Variants in RALGAPA2 observed in about 807,000 individuals in gnomAD.
The protein encoded by RALGAPA2 is Ral GTPase activating protein catalytic subunit alpha 2.
A neutral mutation model predicts 230.4 loss-of-function variants in RALGAPA2; 139 were observed. That is an observed-to-expected ratio of 0.60 (90% CI 0.53 to 0.69). RALGAPA2 has a LOEUF of 0.69. Ranked by LOEUF, RALGAPA2 falls within the 30% of genes least tolerant of loss-of-function variation. RALGAPA2 has a pLI of 0.00. For synonymous variants in RALGAPA2, 847 were observed against 837.8 expected (o/e 1.01, Z -0.19); for missense variants, 2,163 against 2,276.0 (o/e 0.95, Z 1.01).
At position 20,591,283 on chromosome 20, in the gene RALGAPA2, T is replaced by C. The variant is rs1351990018; in HGVS notation, c.2235A>G (p.Ala745=). ...TGAGATGGCCAGATCCGGCTGCAGG[T>C]GCATTTTCTGACTGTTGACACTCCT... ...EVEECQQSEN[A]PAAGSGHLTV... The change falls in exon 17 of 40, where the codon GCA becomes GCG. Residue 745 remains alanine, a synonymous_variant. Transcript: ENST00000202677. 1.2e-6 allele frequency: 2 copies of C among 1,613,892 alleles called. No homozygotes were observed. Among genetic ancestry groups the C allele is most frequent in the Middle Eastern group, 1.6e-4 (1 of 6,062 alleles).
intron 36 of RALGAPA2, among the ~76,000 whole-genome samples, chr20:20,478,799 T>A (rs1157567141): frequency 3.3e-5 from 5 of 151,724 alleles, no homozygotes; most frequent in Non-Finnish European, 7.4e-5. Flanking sequence ...ACCCCAAACC[T>A]CAGCATCATG....
intron 37 of RALGAPA2, among the ~76,000 whole-genome samples, chr20:20,458,716 A>C (rs1364647549): frequency 2.3e-5 from 3 of 132,638 alleles, no homozygotes; most frequent in African/African-American, 8.5e-5. Context: ...ACACACACCT[A>C]TATATATATA....
chr20:20,511,012 A>G (rs2062689540), intron 33 of RALGAPA2, among the ~76,000 whole-genome samples: 1 of 152,216 alleles, frequency 6.6e-6, no homozygotes, highest in Non-Finnish European at 1.5e-5. Context: ...CCACAAAGAA[A>G]GATAATCAAA....
intron 23 of RALGAPA2, among the ~76,000 whole-genome samples, chr20:20,561,009 A>C (rs2145837842): frequency 6.6e-6 from 1 of 152,324 alleles, no homozygotes; most frequent in Middle Eastern, 3.4e-3. Flanking sequence ...TCTGTTCACC[A>C]ATTCATGGAT....
intron 37 of RALGAPA2, among the ~76,000 whole-genome samples, chr20:20,444,943 G>GATCA (rs1326804118): frequency 1.1e-4 from 16 of 152,286 alleles, no homozygotes; most frequent in African/African-American, 3.6e-4. Context: ...TCACTTATCA[G>GATCA]ATCAACAGCC....
chr20:20,531,548 GAGCCTCAC>G, intron 27 of RALGAPA2, 131 bp downstream of exon 27: 1 of 759,080 alleles, frequency 1.3e-6, no homozygotes, highest in Non-Finnish European at 2.2e-6. Context: ...CCCCTCCCGG[GAGCCTCAC>G]AGCACATGCA....
At chr20:20,402,271 A>G (rs759048044) in intron 38 of RALGAPA2, among the ~76,000 whole-genome samples, 17 of 152,238 alleles carry the variant, frequency 1.1e-4, no homozygotes, top group Non-Finnish European at 2.1e-4. Context: ...CTCTACATGT[A>G]CATAAAGAAT....
chr20:20,526,438 T>C, intron 27 of RALGAPA2, 76 bp from the exon 28 acceptor site: 1 of 901,826 alleles, frequency 1.1e-6, no homozygotes, highest in South Asian at 1.8e-5. Flanking sequence ...AAATAGTTAT[T>C]TCTTCTCAGT....
chr20:20,490,097 G>A (rs1246141818), intron 36 of RALGAPA2, among the ~76,000 whole-genome samples: 1 of 152,172 alleles, frequency 6.6e-6, no homozygotes, highest in Non-Finnish European at 1.5e-5. Flanking sequence ...AATAATAGTA[G>A]GCTATAGATT....
chr20:20,562,319 T>A (rs572375092), intron 23 of RALGAPA2, among the ~76,000 whole-genome samples: 1 of 152,276 alleles, frequency 6.6e-6, no homozygotes, highest in African/African-American at 2.4e-5. Flanking sequence ...CAGGCCACAG[T>A]AGAGTCTCCT....
chr20:20,450,729 T>A (rs2060969238), intron 37 of RALGAPA2, among the ~76,000 whole-genome samples: 1 of 152,248 alleles, frequency 6.6e-6, no homozygotes, highest in Non-Finnish European at 1.5e-5. Context: ...CAACAGTCCT[T>A]CTGGGTGCCT....
At chr20:20,524,079 C>T (rs1212026905) in intron 30 of RALGAPA2, among the ~76,000 whole-genome samples, 1 of 152,130 alleles carries the variant, frequency 6.6e-6, no homozygotes, top group Non-Finnish European at 1.5e-5. Context: ...GCCTCAGCCT[C>T]CGGGGTAGCT....
chr20:20,634,349 T>C (rs1015732461), intron 9 of RALGAPA2, among the ~76,000 whole-genome samples: 1 of 152,184 alleles, frequency 6.6e-6, no homozygotes, highest in East Asian at 1.9e-4. Flanking sequence ...GCAATAATCA[T>C]TATCATTTTC....
intron 2 of RALGAPA2, 129 bp from the exon 3 acceptor site, chr20:20,676,417 G>C (rs2068325234): frequency 1.7e-6 from 1 of 595,996 alleles, no homozygotes; most frequent in African/African-American, 2.1e-5. Context: ...AATAGCAAGA[G>C]GCAGTATGGA....
rs367650056 is a variant in RALGAPA2, at chr20:20,601,719, C to T, written c.2166G>A (p.Val722=). The change falls in exon 16 of 40, where the codon GTG becomes GTA. Residue 722 remains valine (V), a synonymous_variant. Coordinates refer to ENST00000202677, the MANE Select transcript of RALGAPA2 (RefSeq NM_020343.4). ...RSATTSGAPG[V]EKARNIVRQK... Reference sequence around the variant, plus strand: ...GGCGAACAATATTTCTTGCCTTTTCCACTCCCGGTGCTCCAGACGTGGTGG... The same window carrying T: ...GGCGAACAATATTTCTTGCCTTTTCTACTCCCGGTGCTCCAGACGTGGTGG... The T allele has an allele frequency of 3.7e-5, 60 of 1,613,208 alleles. No individual in the cohort carries two copies. In the East Asian group the frequency reaches 1.3e-3, roughly 34 times the overall value.
intron 35 of RALGAPA2, 67 bp downstream of exon 35, chr20:20,503,284 T>C (rs1448495188): frequency 2.3e-6 from 3 of 1,295,358 alleles, no homozygotes; most frequent in Non-Finnish European, 3.1e-6. Context: ...CTTGTATTTG[T>C]CTGTCCTAGG....
intron 23 of RALGAPA2, among the ~76,000 whole-genome samples, chr20:20,570,920 A>G (rs2064608167): frequency 1.3e-5 from 2 of 152,206 alleles, no homozygotes; most frequent in South Asian, 2.1e-4. Context: ...GCCTACAAGG[A>G]GGAAGAGGTA....
At chr20:20,705,380 A>AT (rs11476695) in intron 1 of RALGAPA2, among the ~76,000 whole-genome samples, 142 of 150,804 alleles carry the variant, frequency 9.4e-4, no homozygotes, top group Middle Eastern at 3.4e-3. Context: ...TAATTTCTTC[A>AT]TTTTTTTTGT....
At chr20:20,524,689 T>G (rs1322267786) in intron 29 of RALGAPA2, 141 bp downstream of exon 29, 42 of 1,297,352 alleles carry the variant, frequency 3.2e-5, no homozygotes, top group Non-Finnish European at 4.1e-5. Context: ...AATAAATAAG[T>G]AGCATTTTCA....
Sources: gnomAD v4.1 joint callset for allele counts (sites outside exome capture counted in the v4.1 genomes callset) on GRCh38, gnomAD v4.1.1 for gene constraint, MANE v1.5 for transcripts, NCBI Gene and HGNC (gene_info 2026-07-23, HGNC 2026-07-21) for gene names.